The following WWOX variants were observed in gnomAD, a reference collection of about 807,000 sequenced individuals.
WWOX encodes WW domain-containing oxidoreductase.
In WWOX, 69 loss-of-function variants were observed where a neutral mutation model predicts 46.2. That is an observed-to-expected ratio of 1.49 (90% CI 1.23 to 1.82). The LOEUF is 1.82. Ranked by LOEUF, WWOX falls within the 40% of genes most tolerant of loss-of-function variation. The probability of loss-of-function intolerance (pLI) is 0.00; values close to 1 mark genes in which losing one functional copy is unlikely to be tolerated. For synonymous variants in WWOX, 359 were observed against 202.6 expected (o/e 1.77, Z -6.56); for missense variants, 919 against 542.6 (o/e 1.69, Z -6.89).
At chr16:78,726,131 C>G (rs970166638) in intron 8 of WWOX, among the ~76,000 whole-genome samples, 15 of 145,902 alleles carry the variant, frequency 1.0e-4, no homozygotes, top group African/African-American at 2.8e-4. Context: ...CTCTCTCCCT[C>G]TCTCTTTTTC....
At chr16:78,458,955 T>C (rs76906617) in intron 8 of WWOX, among the ~76,000 whole-genome samples, 186 of 152,288 alleles carry the variant, frequency 1.2e-3, no homozygotes, top group Non-Finnish European at 2.3e-3. Context: ...AGCATTTAAT[T>C]TACTTCCGTC....
chr16:78,561,484 C>T (rs150561386), intron 8 of WWOX, among the ~76,000 whole-genome samples: 9 of 152,040 alleles, frequency 5.9e-5, no homozygotes, highest in African/African-American at 2.2e-4. Context: ...ATGACAGTAC[C>T]TAGAGTATGA....
chr16:78,333,717 A>G (rs561660391), intron 5 of WWOX, among the ~76,000 whole-genome samples: 50 of 152,350 alleles, frequency 3.3e-4, no homozygotes, highest in African/African-American at 1.2e-3. Context: ...CATAGACTTG[A>G]TACACATGAA....
At position 78,645,431 on chromosome 16, in the gene WWOX, G is replaced by T. The variant is rs538237772; in HGVS notation, c.1056+212679G>T. Reference sequence around the variant, plus strand: ...CTTAGTCCTTTTGTGTTGCTATAAAGGAATGCCTGAGCTGGGTCATTTACA... The same window carrying T: ...CTTAGTCCTTTTGTGTTGCTATAAATGAATGCCTGAGCTGGGTCATTTACA... On this transcript the variant is annotated intron_variant, in intron 8 of 8. Transcript: ENST00000566780. Among the ~76,000 whole-genome samples the T allele has an allele frequency of 5.9e-5, 9 of 152,196 alleles. No homozygotes were observed. The East Asian group carries it at 1.7e-3, about 29-fold the overall frequency.
At chr16:78,866,712 A>C (rs1446161064) in intron 8 of WWOX, among the ~76,000 whole-genome samples, 1 of 152,196 alleles carries the variant, frequency 6.6e-6, no homozygotes, top group Non-Finnish European at 1.5e-5. Context: ...CACGCAAATC[A>C]AGGACATTGG....
rs76042252 is a variant in WWOX at position 78,335,781 on chromosome 16, C to T, written c.517-51079C>T. On this transcript the variant is annotated intron_variant, in intron 5 of 8. Transcript: ENST00000566780. ...TCTGGCTCTGCAGAACTGAGGTGGG[C>T]CCCAAAACTTGCGTTTCTAAAAGGT... Among the ~76,000 whole-genome samples, 11 of 152,202 alleles carry T rather than the reference C, an allele frequency of 7.2e-5. No homozygotes were observed. The East Asian group carries it at 1.9e-3, about 27-fold the overall frequency.
In WWOX at chr16:78,164,605, T is replaced by C. The variant is rs12325408; in HGVS notation, c.516+316T>C. On this transcript the variant is annotated intron_variant, in intron 5 of 8. Transcript: ENST00000566780. ...CATGATTGCAACTAGGAGACTGTTA[T>C]GCTTATGGTTGTTAAGATTAGAAAG... Among the ~76,000 whole-genome samples the C allele has an allele frequency of 0.12, 18,213 of 152,234 alleles. 1,544 individuals carry two copies. Among genetic ancestry groups the C allele is most frequent in the African/African-American group, 0.23 (9,562 of 41,500 alleles).
At chr16:79,089,390 G>C (rs2048912152) in intron 8 of WWOX, among the ~76,000 whole-genome samples, 1 of 151,344 alleles carries the variant, frequency 6.6e-6, no homozygotes, top group Non-Finnish European at 1.5e-5. Flanking sequence ...GGAATGCAGT[G>C]GCATGATCTC....
intron 8 of WWOX, among the ~76,000 whole-genome samples, chr16:78,561,264 C>T (rs1480605446): frequency 6.6e-6 from 1 of 152,196 alleles, no homozygotes; most frequent in African/African-American, 2.4e-5. Context: ...TTGAATCTCT[C>T]TGACTTTCCT....
At chr16:78,508,693 C>A (rs750996690) in intron 8 of WWOX, among the ~76,000 whole-genome samples, 1 of 152,100 alleles carries the variant, frequency 6.6e-6, no homozygotes, top group Non-Finnish European at 1.5e-5. Context: ...ACAGAAGAAA[C>A]GCTGGTGGTC....
intron 5 of WWOX, among the ~76,000 whole-genome samples, chr16:78,381,815 G>C (rs2151930009): frequency 6.6e-6 from 1 of 152,276 alleles, no homozygotes; most frequent in East Asian, 1.9e-4. Context: ...AGGTAGGAAG[G>C]AATGAGGGAT....
At chr16:78,945,917 G>T (rs1002448443) in intron 8 of WWOX, among the ~76,000 whole-genome samples, 1 of 152,024 alleles carries the variant, frequency 6.6e-6, no homozygotes, top group African/African-American at 2.4e-5. Flanking sequence ...GAACATGTCA[G>T]TTCATCTCAC....
At chr16:78,691,102 C>G (rs1597450912) in intron 8 of WWOX, 1 of 615,906 alleles carries the variant, frequency 1.6e-6, no homozygotes. Flanking sequence ...AGTAAGAGTG[C>G]TTTGAATACC....
At chr16:78,699,199 T>G (rs1018087120) in intron 8 of WWOX, among the ~76,000 whole-genome samples, 6 of 152,164 alleles carry the variant, frequency 3.9e-5, no homozygotes, top group African/African-American at 1.4e-4. Flanking sequence ...AGCCATAGTT[T>G]CCCAACCTCT....
At chr16:78,867,484 TTGTGTGTGTGTG>T (rs4035599) in intron 8 of WWOX, among the ~76,000 whole-genome samples, 2 of 148,984 alleles carry the variant, frequency 1.3e-5, no homozygotes, top group East Asian at 2.0e-4. Flanking sequence ...TTAAATGATT[TTGTGTGTGTGTG>T]TGTGTGTGTG....
intron 8 of WWOX, among the ~76,000 whole-genome samples, chr16:78,716,469 A>T (rs140643664): frequency 1.3e-5 from 2 of 152,020 alleles, no homozygotes; most frequent in Non-Finnish European, 2.9e-5. Context: ...GCCCTTCAAG[A>T]TGAGTGTTAT....
At chr16:78,482,408 A>G (rs1358991673) in intron 8 of WWOX, among the ~76,000 whole-genome samples, 1 of 152,048 alleles carries the variant, frequency 6.6e-6, no homozygotes, top group East Asian at 1.9e-4. Flanking sequence ...TTTTAGTTAG[A>G]CACCAGGTTT....
chr16:78,692,291 T>C (rs1199654551), intron 8 of WWOX, among the ~76,000 whole-genome samples: 1 of 152,226 alleles, frequency 6.6e-6, no homozygotes, highest in Non-Finnish European at 1.5e-5. Flanking sequence ...AACTTTTGTT[T>C]TCCAATTCCT....
intron 8 of WWOX, among the ~76,000 whole-genome samples, chr16:78,943,912 C>A (rs1466509486): frequency 6.6e-6 from 1 of 152,206 alleles, no homozygotes; most frequent in African/African-American, 2.4e-5. Context: ...AGGAACCCAT[C>A]ATTCCTGCTA....
Sources: allele counts gnomAD v4.1 joint callset (sites outside exome capture counted in the v4.1 genomes callset), GRCh38; gene constraint gnomAD v4.1.1; transcripts MANE v1.5; gene names NCBI Gene and HGNC (gene_info 2026-07-23, HGNC 2026-07-21).